Variants in RAB17 observed in about 807,000 individuals in gnomAD.
RAB17 encodes the protein ras-related protein Rab-17.
In RAB17, 15 loss-of-function variants were observed where a neutral mutation model predicts 19.3. That is an observed-to-expected ratio of 0.78 (90% CI 0.52 to 1.20). The LOEUF (loss-of-function observed/expected upper bound fraction) is 1.20. Ranked by LOEUF, RAB17 falls within the 50% of genes most tolerant of loss-of-function variation. The probability of loss-of-function intolerance (pLI) is 0.00; values close to 1 mark genes in which losing one functional copy is unlikely to be tolerated. For missense variants in RAB17, 262 were observed against 269.3 expected, an observed-to-expected ratio of 0.97 and a Z score of 0.19; for synonymous variants, 110 against 112.8, an observed-to-expected ratio of 0.97 and a Z score of 0.16.
intron 2 of RAB17, 105 bp downstream of exon 2, chr2:237,585,893 A>T (rs1357784001): frequency 2.4e-6 from 3 of 1,268,632 alleles, no homozygotes; most frequent in East Asian, 2.6e-5. Flanking sequence ...AGGTCCCAGC[A>T]TGGGGATTCC....
At position 237,575,418 on chromosome 2, in the gene RAB17, G is replaced by C. The variant is rs757711254; in HGVS notation, c.498C>G (p.Asn166Lys). 6.2e-7 allele frequency: 1 copy of C among 1,612,344 alleles called. No homozygotes were observed. The highest frequency in any genetic ancestry group is 8.5e-7 in the Non-Finnish European group (1 of 1,179,586). ...LLFMETSAKL[N>K]HQVSEVFNTV... Reference sequence around the variant, plus strand: ...TATTGAACACCTCCGACACCTGGTGGTTCAGTTTGGCCGAAGTTTCCATGA... The same window carrying C: ...TATTGAACACCTCCGACACCTGGTGCTTCAGTTTGGCCGAAGTTTCCATGA... Residue 166 changes from asparagine (N) to lysine (K), a missense_variant, in exon 5 of 6, where the codon AAC becomes AAG. Transcript: ENST00000264601.
chr2:237,586,052 A>C lies in RAB17; in HGVS notation c.103T>G (p.Leu35Val), dbSNP rs748583086. ...LGSGSVGKSS[L>V]ALRYVKNDFK... ...TCGTTCTTCACGTACCGAAGAGCCA[A>C]GCTGGACTTACCCACGGAGCCACTT... The change falls in exon 2 of 6, where the codon TTG becomes GTG. Residue 35 changes from leucine (L) to valine (V), a missense_variant. Physicochemically the swap from Leu to Val is conservative, Grantham distance 32. Transcript: ENST00000264601. The C allele has an allele frequency of 6.2e-7, 1 of 1,613,596 alleles. No individual in the cohort carries two copies. Among genetic ancestry groups the C allele is most frequent in the South Asian group, 1.1e-5 (1 of 90,960 alleles).
In RAB17 at chr2:237,576,687, C is replaced by T. The variant is rs764833424; in HGVS notation, c.435+570G>A. ...TGTCTGCAGCTGTTTACACGGTCTT[C>T]GTCCTAAATGTGGTGGGGGAGGTGG... On this transcript the variant is annotated intron_variant, in intron 4 of 5. Coordinates refer to ENST00000264601, the MANE Select transcript of RAB17 (RefSeq NM_022449.4). 2.0e-4 allele frequency: 92 copies of T among 471,114 alleles called. 1 individual carries two copies. The highest frequency in any genetic ancestry group is 3.2e-4 in the Middle Eastern group (1 of 3,100). 29.2% of individuals were successfully genotyped at this position (471,114 alleles called of 1,614,324 possible).
chr2:237,577,902 G>A, intron 3 of RAB17, 102 bp downstream of exon 3: 6 of 1,341,144 alleles, frequency 4.5e-6, no homozygotes, highest in Non-Finnish European at 6.2e-6. Flanking sequence ...CACTAATGGA[G>A]TCTCTGTTCC....
intron 2 of RAB17, among the ~76,000 whole-genome samples, chr2:237,583,616 G>T (rs999880933): frequency 1.3e-5 from 2 of 152,172 alleles, no homozygotes; most frequent in East Asian, 3.9e-4. Context: ...TGAGCCACAG[G>T]CTAACCTAAT....
At chr2:237,581,774 G>A (rs1037857433) in intron 2 of RAB17, among the ~76,000 whole-genome samples, 1 of 152,218 alleles carries the variant, frequency 6.6e-6, no homozygotes, top group Non-Finnish European at 1.5e-5. Context: ...GAAGTCAGCT[G>A]GTGCCAAGTT....
chr2:237,590,176 T>C (rs1428785042), intron 1 of RAB17, among the ~76,000 whole-genome samples: 11 of 148,108 alleles, frequency 7.4e-5, no homozygotes, highest in African/African-American at 1.3e-4. Flanking sequence ...TTTTTTTTTT[T>C]CAAGACCTTA....
chr2:237,583,359 C>A lies in RAB17; in HGVS notation c.157+2639G>T, dbSNP rs966159099. 7.2e-5 allele frequency among the ~76,000 whole-genome samples: 11 copies of A among 152,140 alleles called. 1 individual carries two copies. The highest frequency in any genetic ancestry group is 2.7e-4 in the African/African-American group (11 of 41,402). On this transcript the variant is annotated intron_variant, in intron 2 of 5. Coordinates refer to ENST00000264601, the MANE Select transcript of RAB17 (RefSeq NM_022449.4). ...TTAACATAATGATAATAATAAATTG[C>A]ATGACATCTATCCATAGTTACAGTA...
intron 2 of RAB17, among the ~76,000 whole-genome samples, chr2:237,580,532 A>C (rs545284554): frequency 1.3e-5 from 2 of 152,074 alleles, no homozygotes; most frequent in East Asian, 3.9e-4. Context: ...CTTGAGGTCG[A>C]GTTCAAGACC....
chr2:237,581,113 G>GT (rs2081305061), intron 2 of RAB17, among the ~76,000 whole-genome samples: 1 of 152,178 alleles, frequency 6.6e-6, no homozygotes, highest in African/African-American at 2.4e-5. Context: ...TTTTGGCTGG[G>GT]TACAGTGGCT....
chr2:237,584,327 C>T (rs749063174), intron 2 of RAB17, among the ~76,000 whole-genome samples: 5 of 152,082 alleles, frequency 3.3e-5, no homozygotes, highest in Non-Finnish European at 7.4e-5. Flanking sequence ...GCCCTGCTTG[C>T]GCTCACCTAG....
At chr2:237,589,814 C>T (rs985071378) in intron 1 of RAB17, among the ~76,000 whole-genome samples, 1 of 152,130 alleles carries the variant, frequency 6.6e-6, no homozygotes, top group African/African-American at 2.4e-5. Flanking sequence ...TCTCTTGCAC[C>T]TCCCTTCCAC....
intron 2 of RAB17, among the ~76,000 whole-genome samples, chr2:237,581,110 T>TG (rs2081305007): frequency 2.0e-5 from 3 of 152,202 alleles, no homozygotes; most frequent in Non-Finnish European, 4.4e-5. Flanking sequence ...AAGTTTTGGC[T>TG]GGGTACAGTG....
intron 1 of RAB17, among the ~76,000 whole-genome samples, chr2:237,588,267 C>G (rs1645839833): frequency 1.3e-5 from 2 of 152,170 alleles, no homozygotes. Flanking sequence ...GTTCTCTTGC[C>G]CTTTCACCTT....
At position 237,578,377 on chromosome 2, in the gene RAB17, G is replaced by A. The variant is rs1246373481; in HGVS notation, c.158-222C>T. 3 of 481,722 alleles carry A rather than the reference G, an allele frequency of 6.2e-6. No homozygotes were observed. In the East Asian group the frequency reaches 9.3e-5, roughly 15 times the overall value. The allele number at this position is 481,722 out of a possible 1,614,324, so 29.8% of individuals were successfully genotyped here. A position where few individuals can be genotyped will look rare whatever the true frequency, so the allele number is the denominator to read the frequency against. On this transcript the variant is annotated intron_variant, in intron 2 of 5. Coordinates refer to ENST00000264601, the MANE Select transcript of RAB17 (RefSeq NM_022449.4). ...TGGGAGTGATTGCTATGGGGCCTTT[G>A]GAGAGGCTTTGGATGGGAAGATAAA...
rs187269061 is a variant in RAB17, at chr2:237,580,778, A to G, written c.158-2623T>C. Among the ~76,000 whole-genome samples the G allele has an allele frequency of 5.3e-5, 8 of 152,244 alleles. No homozygotes were observed. In the East Asian group the frequency reaches 1.4e-3, roughly 26 times the overall value. ...GAAGGGGGGGGAGGAGGGGAGGGAA[A>G]ATGATGGCTGGTGGTTGAATTTACA... is the stretch of plus-strand genomic sequence containing the variant. On this transcript the variant is annotated intron_variant, in intron 2 of 5. Transcript: ENST00000264601.
intron 1 of RAB17, among the ~76,000 whole-genome samples, chr2:237,587,939 C>T (rs1396410402): frequency 1.3e-5 from 2 of 151,996 alleles, no homozygotes; most frequent in African/African-American, 4.8e-5. Flanking sequence ...ATTCTGTTTT[C>T]CTTGGAGCTG....
chr2:237,577,302 C>T lies in RAB17; in HGVS notation c.390G>A (p.Val130=). The change falls in exon 4 of 6, where the codon GTG becomes GTA. Residue 130 remains valine (V), a synonymous_variant. Transcript: ENST00000264601. ...CCTGGCTGAGGTCCGTCTTGTTGCCCACCAGCATCACCAGGACTTCTCCTG... is the reference window on the plus strand; with the variant it reads ...CCTGGCTGAGGTCCGTCTTGTTGCCTACCAGCATCACCAGGACTTCTCCTG... ...LHPGEVLVML[V]GNKTDLSQER... The T allele has an allele frequency of 6.2e-7, 1 of 1,613,964 alleles. No individual in the cohort carries two copies.
In RAB17 at chr2:237,589,023, C is replaced by T. The variant is rs529601986; in HGVS notation, c.-4+1444G>A. Among the ~76,000 whole-genome samples, 8 of 152,280 alleles carry T rather than the reference C, an allele frequency of 5.3e-5. No individual in the cohort carries two copies. In the East Asian group the frequency reaches 1.5e-3, roughly 29 times the overall value. On this transcript the variant is annotated intron_variant, in intron 1 of 5. Coordinates refer to ENST00000264601, the MANE Select transcript of RAB17 (RefSeq NM_022449.4). ...TCACTTGAGGTCAGGAGTTGGAGAC[C>T]AGCCTGTCCAACACGGTGAAACCCC...
Sources: allele counts gnomAD v4.1 joint callset (sites outside exome capture counted in the v4.1 genomes callset), GRCh38; gene constraint gnomAD v4.1.1; transcripts MANE v1.5; gene names NCBI Gene and HGNC (gene_info 2026-07-23, HGNC 2026-07-21).